The following HDAC9 variants were observed in gnomAD, a reference collection of about 807,000 sequenced individuals.
The protein encoded by HDAC9 is MEF-2 interacting transcription repressor (MITR) protein.
In HDAC9, 41 loss-of-function variants were observed where a neutral mutation model predicts 139.4. The observed-to-expected ratio is 0.29, with a 90% CI of 0.23 to 0.38. The LOEUF (loss-of-function observed/expected upper bound fraction) is 0.38. Ranked by LOEUF, HDAC9 falls within the 10% of genes least tolerant of loss-of-function variation. The pLI is 1.00. For synonymous variants in HDAC9, 517 were observed against 476.2 expected, an observed-to-expected ratio of 1.09 and a Z score of -1.12; for missense variants, 1,147 against 1,297.0, an observed-to-expected ratio of 0.88 and a Z score of 1.78.
intron 22 of HDAC9, among the ~76,000 whole-genome samples, chr7:18,895,228 C>T (rs1178363909): frequency 2.0e-5 from 3 of 152,046 alleles, no homozygotes; most frequent in Non-Finnish European, 2.9e-5. Context: ...AGGGCTCAGG[C>T]CCCGCTAGGC....
chr7:18,441,158 CAT>C (rs1427019446), intron 1 of HDAC9, among the ~76,000 whole-genome samples: 1 of 152,146 alleles, frequency 6.6e-6, no homozygotes, highest in Non-Finnish European at 1.5e-5. Context: ...TTAGGTCTAA[CAT>C]TTGTATATCA....
At chr7:18,324,172 C>T (rs1010938064) in intron 1 of HDAC9, among the ~76,000 whole-genome samples, 4 of 151,970 alleles carry the variant, frequency 2.6e-5, no homozygotes, top group Admixed American at 6.6e-5. Flanking sequence ...GGAGGGGAGT[C>T]AAAGAAGTGG....
At chr7:18,907,712 A>G (rs550694106) in intron 22 of HDAC9, among the ~76,000 whole-genome samples, 2 of 152,184 alleles carry the variant, frequency 1.3e-5, no homozygotes, top group Non-Finnish European at 2.9e-5. Flanking sequence ...AAGAAAACAA[A>G]ACTCACCAAA....
intron 1 of HDAC9, among the ~76,000 whole-genome samples, chr7:18,404,949 A>G (rs944808920): frequency 6.6e-6 from 1 of 152,326 alleles, no homozygotes; most frequent in African/African-American, 2.4e-5. Flanking sequence ...CCTGGGCAGG[A>G]CGCCATCCCA....
At chr7:18,945,332 A>G (rs1374324027) in intron 23 of HDAC9, among the ~76,000 whole-genome samples, 2 of 152,210 alleles carry the variant, frequency 1.3e-5, no homozygotes, top group African/African-American at 4.8e-5. Flanking sequence ...CTGTTTTTGA[A>G]GTATCTATTC....
intron 14 of HDAC9, 113 bp downstream of exon 14, chr7:18,749,251 A>G: frequency 9.2e-7 from 1 of 1,089,192 alleles, no homozygotes; most frequent in Non-Finnish European, 1.3e-6. Flanking sequence ...AAACACCATG[A>G]TTGATGAACC....
At chr7:18,501,483 GA>G (rs1357614792) in intron 2 of HDAC9, among the ~76,000 whole-genome samples, 1 of 152,134 alleles carries the variant, frequency 6.6e-6, no homozygotes, top group African/African-American at 2.4e-5. Context: ...TTACGTTAAG[GA>G]AGTATTTAGT....
intron 6 of HDAC9, among the ~76,000 whole-genome samples, chr7:18,626,992 C>A (rs1366111477): frequency 1.3e-5 from 2 of 152,174 alleles, no homozygotes; most frequent in East Asian, 3.9e-4. Flanking sequence ...AGCTGTATAA[C>A]TAGCCTTCAG....
chr7:18,700,287 C>T (rs538710068), intron 12 of HDAC9, among the ~76,000 whole-genome samples: 38 of 152,142 alleles, frequency 2.5e-4, no homozygotes, highest in Non-Finnish European at 4.6e-4. Flanking sequence ...CTGTGAAATG[C>T]AGTTGCATCT....
At position 18,996,647 on chromosome 7, in the gene HDAC9, T is replaced by C. The variant is rs1295822116; in HGVS notation, c.*585T>C. The stretch of plus-strand genomic sequence containing the variant: ...ACAGTTCAACTGTTCCTAGTAAAAG[T>C]TCAAGATGGAGGAACTAGCATGAGG... On this transcript the variant is annotated 3_prime_UTR_variant, in exon 26 of 26. Transcript: ENST00000686413. 1 of 152,268 alleles carries C rather than the reference T, an allele frequency of 6.6e-6. No homozygotes were observed. Among genetic ancestry groups the C allele is most frequent in the Admixed American group, 6.5e-5 (1 of 15,278 alleles). The allele number at this position is 152,268 out of a possible 1,614,324, so 9.4% of individuals were successfully genotyped here.
chr7:18,675,596 A>G (rs191079664), intron 12 of HDAC9, among the ~76,000 whole-genome samples: 4 of 152,152 alleles, frequency 2.6e-5, no homozygotes, highest in Admixed American at 2.0e-4. Flanking sequence ...CTCAATATCA[A>G]TCTTTAATAA....
At chr7:18,990,704 T>C (rs1028576940) in intron 25 of HDAC9, among the ~76,000 whole-genome samples, 32 of 152,252 alleles carry the variant, frequency 2.1e-4, no homozygotes, top group Non-Finnish European at 7.3e-5. Context: ...AGCGAGATTC[T>C]GTGGGCGTAG....
chr7:18,817,269 C>T (rs766309448), intron 17 of HDAC9, among the ~76,000 whole-genome samples: 1 of 152,058 alleles, frequency 6.6e-6, no homozygotes. Context: ...CTCCTGACCT[C>T]GTGATCCGCC....
chr7:18,817,407 A>T (rs2157900), intron 17 of HDAC9, among the ~76,000 whole-genome samples: 14 of 151,898 alleles, frequency 9.2e-5, no homozygotes, highest in African/African-American at 2.7e-4. Flanking sequence ...CAAAAACAAT[A>T]AAAAAAACCC....
At chr7:18,686,931 C>T (rs1233762046) in intron 12 of HDAC9, among the ~76,000 whole-genome samples, 2 of 151,604 alleles carry the variant, frequency 1.3e-5, no homozygotes, top group African/African-American at 2.4e-5. Flanking sequence ...GACATGGTCC[C>T]GCCTGGCTCC....
At chr7:18,792,469 A>T (rs916269908) in intron 16 of HDAC9, among the ~76,000 whole-genome samples, 3 of 151,970 alleles carry the variant, frequency 2.0e-5, no homozygotes, top group African/African-American at 7.2e-5. Flanking sequence ...AATATAACAT[A>T]TGATAATTAT....
intron 22 of HDAC9, among the ~76,000 whole-genome samples, chr7:18,879,573 A>T (rs1220011150): frequency 4.6e-5 from 7 of 152,194 alleles, no homozygotes; most frequent in Non-Finnish European, 1.0e-4. Flanking sequence ...AAGACTCCCT[A>T]TTCAATAAAT....
chr7:18,804,160 T>C (rs1161302581), intron 17 of HDAC9, among the ~76,000 whole-genome samples: 1 of 152,080 alleles, frequency 6.6e-6, no homozygotes, highest in Admixed American at 6.5e-5. Context: ...TAAGGAGAGA[T>C]TTGTGCTGAG....
intron 7 of HDAC9, among the ~76,000 whole-genome samples, chr7:18,630,268 G>A (rs1310293216): frequency 2.6e-5 from 4 of 152,022 alleles, no homozygotes; most frequent in Non-Finnish European, 5.9e-5. Flanking sequence ...GTTGCATGAA[G>A]AAAGAAGTGG....
Sources: gnomAD v4.1 joint callset for allele counts (sites outside exome capture counted in the v4.1 genomes callset) on GRCh38, gnomAD v4.1.1 for gene constraint, MANE v1.5 for transcripts, NCBI Gene and HGNC (gene_info 2026-07-23, HGNC 2026-07-21) for gene names.